Variants in NRXN2 observed in about 807,000 individuals in gnomAD.
NRXN2 encodes neurexin-2-beta.
In NRXN2, 29 loss-of-function variants were observed where a neutral mutation model predicts 128.8. That is an observed-to-expected ratio of 0.23 (90% CI 0.17 to 0.31). The LOEUF is 0.31. NRXN2 is among the 10% of genes least tolerant of loss of function. The pLI, the probability that NRXN2 is intolerant of heterozygous loss-of-function variation, is 1.00. For missense variants in NRXN2, 1,881 were observed against 2,452.6 expected (o/e 0.77, Z 4.92); for synonymous variants, 1,098 against 1,075.2 (o/e 1.02, Z -0.41).
chr11:64,684,255 C>G (rs1420787094), intron 6 of NRXN2, among the ~76,000 whole-genome samples: 1 of 152,126 alleles, frequency 6.6e-6, no homozygotes, highest in Non-Finnish European at 1.5e-5. Flanking sequence ...CTCCTCTATA[C>G]CCCCCAATAA....
At position 64,626,535 on chromosome 11, in the gene NRXN2, G is replaced by A. The variant is rs371193620; in HGVS notation, c.3775C>T (p.Arg1259Cys). Residue 1259 changes from arginine (R) to cysteine (C), a missense_variant, in exon 20 of 23, where the codon CGC (arginine) becomes TGC (cysteine). Physicochemically the swap from Arg to Cys is radical, Grantham distance 180. This residue lies in a region of NRXN2 where 390 missense variants were observed against 599.6 expected (regional missense o/e 0.65). Transcript: ENST00000265459. ...ATTCTCTGTCTAGCAATCGCCAGGC[G>A]CTCGTTATCAAAGTTTCCTTGGAAA... ...RYPAGNFDNE[R>C]LAIARQRIPY... The A allele has an allele frequency of 4.3e-6, 7 of 1,613,836 alleles. No individual in the cohort carries two copies. The highest frequency in any genetic ancestry group is 2.2e-5 in the East Asian group (1 of 44,900).
At chr11:64,650,409 G>A in intron 15 of NRXN2, 39 bp downstream of exon 15, 1 of 1,609,736 alleles carries the variant, frequency 6.2e-7, no homozygotes, top group Non-Finnish European at 8.5e-7. Context: ...AGGGGTATCT[G>A]GGCTAGGGCC....
At chr11:64,618,401 T>C (rs970823727) in intron 22 of NRXN2, among the ~76,000 whole-genome samples, 3 of 152,190 alleles carry the variant, frequency 2.0e-5, no homozygotes, top group African/African-American at 4.8e-5. Flanking sequence ...TGTGTGAACA[T>C]GGGCACCTGT....
chr11:64,668,407 CT>C (rs1367711578), intron 8 of NRXN2, 35 bp downstream of exon 8: 1 of 1,611,072 alleles, frequency 6.2e-7, no homozygotes, highest in Non-Finnish European at 8.5e-7. Context: ...CAAAGGGCTC[CT>C]GAACAGCCTG....
chr11:64,639,034 GC>G (rs2045266673), intron 17 of NRXN2, among the ~76,000 whole-genome samples: 1 of 152,220 alleles, frequency 6.6e-6, no homozygotes, highest in Admixed American at 6.5e-5. Flanking sequence ...ATGCAGTGAT[GC>G]CCCTGTGGTT....
intron 1 of NRXN2, among the ~76,000 whole-genome samples, chr11:64,718,651 C>T (rs991461052): frequency 3.3e-5 from 5 of 152,064 alleles, no homozygotes; most frequent in African/African-American, 9.7e-5. Flanking sequence ...CAGAGAGGCT[C>T]GGTGTGGGGG....
intron 22 of NRXN2, among the ~76,000 whole-genome samples, chr11:64,618,296 C>T (rs1440959634): frequency 6.6e-6 from 1 of 152,202 alleles, no homozygotes. Context: ...GCACTGCATG[C>T]CCCTACGTGG....
At position 64,713,061 on chromosome 11, in the gene NRXN2, G is replaced by A. The variant is rs897642362; in HGVS notation, c.639C>T (p.Cys213=). 4 of 1,300,396 alleles carry A rather than the reference G, an allele frequency of 3.1e-6. No individual in the cohort carries two copies. In the African/African-American group the frequency reaches 6.2e-5, roughly 20 times the overall value. The allele number at this position is 1,300,396 out of a possible 1,614,324, so 80.6% of individuals were successfully genotyped here. Residue 213 remains cysteine, a synonymous_variant, in exon 2 of 23, where the codon TGC becomes TGT. Coordinates refer to ENST00000265459, the MANE Select transcript of NRXN2 (RefSeq NM_015080.4). The part of the protein sequence containing the change: ...DPLCAPARNP[C]ANGGLCTVLA... Reference sequence around the variant, plus strand: ...GCACGGTGCAGAGGCCGCCGTTGGCGCAGGGGTTGCGCGCGGGCGCGCACA... The same window carrying A: ...GCACGGTGCAGAGGCCGCCGTTGGCACAGGGGTTGCGCGCGGGCGCGCACA...
rs183260163 is a variant in NRXN2, at chr11:64,670,318, C to T, written c.1198-1714G>A. ...ATCGTTTATTTCTTCTTCCCTCCAC[C>T]CCACCCTAAGGCTGGGAAGTAGGGG... On this transcript the variant is annotated intron_variant, in intron 7 of 22. Coordinates refer to ENST00000265459, the MANE Select transcript of NRXN2 (RefSeq NM_015080.4). Among the ~76,000 whole-genome samples, 296 of 152,178 alleles carry T rather than the reference C, an allele frequency of 1.9e-3. 1 individual carries two copies. Among genetic ancestry groups the T allele is most frequent in the Non-Finnish European group, 3.7e-3 (254 of 68,002 alleles).
rs1321003614 is a variant in NRXN2, at chr11:64,667,661, A to G, written c.1387T>C (p.Leu463=). The G allele has an allele frequency of 2.5e-6, 4 of 1,613,958 alleles. No homozygotes were observed. The highest frequency in any genetic ancestry group is 3.4e-6 in the Non-Finnish European group (4 of 1,180,014). The change falls in exon 9 of 23, where the codon TTG becomes CTG. Residue 463 remains leucine, a synonymous_variant. Coordinates refer to ENST00000265459, the MANE Select transcript of NRXN2 (RefSeq NM_015080.4). The surrounding 1 kb of genome is among the most constrained non-coding windows in gnomAD (Gnocchi z 5.6). ...DVVYKNNDFK[L]ELSRLAKEGD... ...TCCTTTGCCAGGCGGGATAGTTCCA[A>G]TTTGAAGTCATTGTTCTTATAGACC...
chr11:64,638,571 A>T (rs1373422409), intron 17 of NRXN2, among the ~76,000 whole-genome samples: 1 of 152,144 alleles, frequency 6.6e-6, no homozygotes, highest in Non-Finnish European at 1.5e-5. Flanking sequence ...CTTCTAGGAG[A>T]CACGGAGCGC....
intron 5 of NRXN2, among the ~76,000 whole-genome samples, chr11:64,689,025 G>A (rs1029227131): frequency 6.6e-6 from 1 of 151,918 alleles, no homozygotes. Flanking sequence ...TGTGACCTTC[G>A]CTGGTCACAA....
At chr11:64,695,981 T>C (rs552475502) in intron 3 of NRXN2, among the ~76,000 whole-genome samples, 2 of 152,072 alleles carry the variant, frequency 1.3e-5, no homozygotes, top group South Asian at 2.1e-4. Context: ...TTTCTTCTTT[T>C]GGCCAAGCTG....
rs2042638351 is a variant in NRXN2 at position 64,623,289 on chromosome 11, C to A, written c.3848-211G>T. ...AGCCCCTAGCCCAGCCAGGTGGGGACCCCAGAAGGGGAGGGCACCCAGGGT... is the reference window on the plus strand; with the variant it reads ...AGCCCCTAGCCCAGCCAGGTGGGGAACCCAGAAGGGGAGGGCACCCAGGGT... On this transcript the variant is annotated intron_variant, in intron 20 of 22. Coordinates refer to ENST00000265459, the MANE Select transcript of NRXN2 (RefSeq NM_015080.4). This position sits in a 1 kb window ranked among gnomAD's most constrained non-coding sequence, Gnocchi z 4.9. 4.7e-6 allele frequency: 4 copies of A among 855,114 alleles called. No individual in the cohort carries two copies. Among genetic ancestry groups the A allele is most frequent in the Admixed American group, 2.9e-5 (1 of 33,980 alleles). The allele number at this position is 855,114 out of a possible 1,614,324, so 53.0% of individuals were successfully genotyped here.
chr11:64,685,756 G>A lies in NRXN2; in HGVS notation c.1042C>T (p.Leu348=). 1 of 1,614,252 alleles carries A rather than the reference G, an allele frequency of 6.2e-7. No homozygotes were observed. The highest frequency in any genetic ancestry group is 1.3e-5 in the African/African-American group (1 of 75,062). The change falls in exon 6 of 23, where the codon CTG becomes TTG. Residue 348 remains leucine (L), a synonymous_variant. Transcript: ENST00000265459. The part of the protein sequence containing the change: ...NLSLKSGAVW[L]VINLGSGAFE... ...GCACCTGAGCCTAGGTTGATGACCA[G>A]CCAGACAGCCCCAGACTTGAGGGAC...
chr11:64,715,537 C>G (rs537640109), intron 1 of NRXN2, among the ~76,000 whole-genome samples: 2 of 152,090 alleles, frequency 1.3e-5, no homozygotes, highest in Non-Finnish European at 2.9e-5. Flanking sequence ...AGTGAGGGGG[C>G]GTCTGGAGAG....
At chr11:64,642,977 G>A in intron 17 of NRXN2, 2 of 1,014,858 alleles carry the variant, frequency 2.0e-6, no homozygotes, top group Non-Finnish European at 2.4e-6. Flanking sequence ...ACTGGATCCC[G>A]CCGGGAAATC....
intron 5 of NRXN2, among the ~76,000 whole-genome samples, chr11:64,686,522 TG>T (rs2053073753): frequency 6.7e-6 from 1 of 150,022 alleles, no homozygotes; most frequent in African/African-American, 2.5e-5. Context: ...GAATGGGAGG[TG>T]GGGGAATGTG....
At chr11:64,652,247 C>T in intron 12 of NRXN2, 93 bp from the exon 13 acceptor site, 2 of 1,472,532 alleles carry the variant, frequency 1.4e-6, no homozygotes, top group South Asian at 2.4e-5. Flanking sequence ...CCTCCCCATC[C>T]CCGCACATGC....
Sources: allele counts gnomAD v4.1 joint callset (sites outside exome capture counted in the v4.1 genomes callset), GRCh38; gene constraint gnomAD v4.1.1; regional missense constraint gnomAD v4.1.1; non-coding constraint Gnocchi (gnomAD v3.1); transcripts MANE v1.5; gene names NCBI Gene and HGNC (gene_info 2026-07-23, HGNC 2026-07-21).